The following TDRD12 variants were observed in gnomAD, a reference collection of about 807,000 sequenced individuals.
The protein encoded by TDRD12 is putative ATP-dependent RNA helicase TDRD12.
A neutral mutation model predicts 133.5 loss-of-function variants in TDRD12; 158 were observed. The ratio of observed to expected loss-of-function variants is 1.18; its 90% CI spans 1.04 to 1.35. The LOEUF (loss-of-function observed/expected upper bound fraction) is 1.35, where lower values mean the gene tolerates loss of function less well. Ranked by LOEUF, TDRD12 falls within the 40% of genes most tolerant of loss-of-function variation. The pLI, the probability that TDRD12 is intolerant of heterozygous loss-of-function variation, is 0.00. For missense variants in TDRD12, 1,443 were observed against 1,321.3 expected (o/e 1.09, Z -1.43); for synonymous variants, 460 against 477.9 (o/e 0.96, Z 0.49).
At chr19:32,793,958 C>G (rs985195649) in intron 13 of TDRD12, among the ~76,000 whole-genome samples, 12 of 141,084 alleles carry the variant, frequency 8.5e-5, no homozygotes, top group Admixed American at 2.8e-4. Flanking sequence ...CCACGCCCGG[C>G]TAATTTTCTA....
rs950354459 is a variant in TDRD12 at position 32,731,718 on chromosome 19, T to A, written c.25-7T>A. 6.5e-7 allele frequency: 1 copy of A among 1,528,628 alleles called. No homozygotes were observed. The highest frequency in any genetic ancestry group is 2.2e-5 in the Admixed American group (1 of 45,222). 94.7% of individuals were successfully genotyped at this position (1,528,628 alleles called of 1,614,324 possible). A position where few individuals can be genotyped will look rare whatever the true frequency, so the allele number is the denominator to read the frequency against. ...GCTGTTCTGTTTGTCTTTTAAAAAA[T>A]TTACAGATTGAAGATCCAGGTTGCT... On this transcript the variant is annotated splice_region_variant and splice_polypyrimidine_tract_variant and intron_variant, in intron 1 of 27. Transcript: ENST00000444215.
intron 27 of TDRD12, among the ~76,000 whole-genome samples, chr19:32,820,526 A>G (rs1044387921): frequency 6.6e-6 from 1 of 152,236 alleles, no homozygotes; most frequent in Non-Finnish European, 1.5e-5. Flanking sequence ...AGGATAAAAT[A>G]TGGGGCAGCA....
intron 6 of TDRD12, among the ~76,000 whole-genome samples, chr19:32,752,852 G>A (rs1213470515): frequency 6.7e-6 from 1 of 148,820 alleles, no homozygotes; most frequent in Non-Finnish European, 1.5e-5. Context: ...GAGTGCACTG[G>A]CGCGATCTCG....
At position 32,787,645 on chromosome 19, in the gene TDRD12, A is replaced by G. The variant is rs539611783; in HGVS notation, c.1122-2886A>G. Among the ~76,000 whole-genome samples the G allele has an allele frequency of 4.6e-5, 7 of 152,252 alleles. 1 individual carries two copies. The highest frequency in any genetic ancestry group is 1.3e-4 in the Admixed American group (2 of 15,290). ...TAGAACCGCCTACTCAACCTCAGCAATGGTGGACACCCCTCCCCACACCAA... is the reference window on the plus strand; with the variant it reads ...TAGAACCGCCTACTCAACCTCAGCAGTGGTGGACACCCCTCCCCACACCAA... On this transcript the variant is annotated intron_variant, in intron 11 of 27. Transcript: ENST00000444215.
intron 6 of TDRD12, among the ~76,000 whole-genome samples, chr19:32,752,529 C>T (rs1339383981): frequency 2.0e-5 from 3 of 152,046 alleles, no homozygotes; most frequent in East Asian, 1.9e-4. Context: ...CCTCCCTCCT[C>T]CCCCATATAT....
At chr19:32,786,971 G>A (rs1436854307) in intron 11 of TDRD12, among the ~76,000 whole-genome samples, 1 of 152,128 alleles carries the variant, frequency 6.6e-6, no homozygotes, top group East Asian at 1.9e-4. Flanking sequence ...TCTGTTGCTG[G>A]CGAGGAGTTG....
At chr19:32,795,048 A>G (rs541912369) in intron 14 of TDRD12, among the ~76,000 whole-genome samples, 31 of 152,072 alleles carry the variant, frequency 2.0e-4, no homozygotes, top group African/African-American at 7.5e-4. Flanking sequence ...AGAAATGGAT[A>G]TGGAGGCCAG....
intron 8 of TDRD12, among the ~76,000 whole-genome samples, chr19:32,760,065 T>C (rs1459643451): frequency 6.6e-6 from 1 of 152,236 alleles, no homozygotes. Flanking sequence ...TTTATATTCT[T>C]TTTCCATTGG....
intron 21 of TDRD12, among the ~76,000 whole-genome samples, chr19:32,803,859 CTT>C (rs1971469099): frequency 6.6e-6 from 1 of 152,032 alleles, no homozygotes; most frequent in Non-Finnish European, 1.5e-5. Context: ...TGGCCATCCT[CTT>C]TTTGTGAAGT....
At chr19:32,828,389 G>GA in exon 10 of TDRD12, 1 of 136,500 alleles carries the variant, frequency 7.3e-6, no homozygotes, top group African/African-American at 2.9e-5. Context: ...CTGCAGCACT[G>GA]GGGGGGGTCA....
chr19:32,796,081 T>C (rs1971216800), intron 14 of TDRD12: 2 of 844,162 alleles, frequency 2.4e-6, no homozygotes, highest in Non-Finnish European at 2.9e-6. Context: ...GGTGTGAAGG[T>C]AAATGATGCA....
At chr19:32,754,410 A>G (rs1969928104) in intron 6 of TDRD12, among the ~76,000 whole-genome samples, 1 of 152,174 alleles carries the variant, frequency 6.6e-6, no homozygotes, top group Non-Finnish European at 1.5e-5. Context: ...CAGAGAGCCA[A>G]GATCACACCA....
rs986715565 is a variant in TDRD12 at position 32,725,305 on chromosome 19, A to T, written c.24+5209A>T. On this transcript the variant is annotated intron_variant, in intron 1 of 27. Coordinates refer to ENST00000444215, the Ensembl canonical transcript of TDRD12. The stretch of plus-strand genomic sequence containing the variant: ...TGCCGTTGCCTATGTGTTGAATGGT[A>T]TTGCCTAGATTTTTTTCTAGGGTTT... 5.3e-5 allele frequency among the ~76,000 whole-genome samples: 8 copies of T among 150,026 alleles called. No individual in the cohort carries two copies. In the East Asian group the frequency reaches 1.4e-3, roughly 26 times the overall value.
intron 27 of TDRD12, 59 bp from the exon 28 acceptor site, chr19:32,820,974 C>T (rs1354389513): frequency 2.2e-6 from 3 of 1,390,706 alleles, no homozygotes; most frequent in Non-Finnish European, 2.9e-6. Context: ...CTGCCTTCCT[C>T]TTCCACTTGG....
At chr19:32,746,968 G>T (rs997412863) in intron 4 of TDRD12, among the ~76,000 whole-genome samples, 16 of 147,634 alleles carry the variant, frequency 1.1e-4, no homozygotes, top group Non-Finnish European at 2.2e-4. Context: ...GACTGGCTGA[G>T]GTGGTTATTC....
At chr19:32,766,850 A>G (rs2145581900) in intron 8 of TDRD12, among the ~76,000 whole-genome samples, 1 of 151,790 alleles carries the variant, frequency 6.6e-6, no homozygotes, top group African/African-American at 2.4e-5. Flanking sequence ...CCTGACCTTA[A>G]GTGATCCGCT....
intron 10 of TDRD12, 96 bp from the exon 11 acceptor site, chr19:32,777,053 A>AT: frequency 1.3e-6 from 1 of 797,582 alleles, no homozygotes; most frequent in Non-Finnish European, 2.0e-6. Flanking sequence ...CATGCCCGGC[A>AT]TTTTTTATTT....
chr19:32,827,367 CTTTTCT>C, exon 10 of TDRD12: 3 of 256,404 alleles, frequency 1.2e-5, no homozygotes, highest in Non-Finnish European at 1.8e-5. Context: ...TTTTTCTTTT[CTTTTCT>C]TTTTTTTTTT....
At chr19:32,767,545 A>G (rs1970333318) in intron 8 of TDRD12, among the ~76,000 whole-genome samples, 1 of 152,178 alleles carries the variant, frequency 6.6e-6, no homozygotes, top group Non-Finnish European at 1.5e-5. Context: ...ATTTTCTAAC[A>G]TGTCATAAGC....
Sources: allele counts gnomAD v4.1 joint callset (sites outside exome capture counted in the v4.1 genomes callset), GRCh38; gene constraint gnomAD v4.1.1; transcripts MANE v1.5; gene names NCBI Gene and HGNC (gene_info 2026-07-23, HGNC 2026-07-21).